Variants in DLX1 observed in about 807,000 individuals in gnomAD.
DLX1 encodes distal-less homeobox 1.
Under a neutral mutation model 25.0 loss-of-function variants are expected in DLX1, and 7 were observed. The observed-to-expected ratio is 0.28, with a 90% CI of 0.16 to 0.52. The LOEUF (loss-of-function observed/expected upper bound fraction) is 0.52. Among genes scored for constraint, DLX1 ranks in the 20% least tolerant of loss-of-function variants. DLX1 has a pLI of 0.96. For missense variants in DLX1, 233 were observed against 334.4 expected (o/e 0.70, Z 2.37); for synonymous variants, 155 against 140.3 (o/e 1.10, Z -0.74).
rs757622093 is a variant in DLX1, at chr2:172,085,793, A to G, written c.116A>G (p.His39Arg). The G allele has an allele frequency of 6.2e-7, 1 of 1,614,168 alleles. No individual in the cohort carries two copies. The highest frequency in any genetic ancestry group is 8.5e-7 in the Non-Finnish European group (1 of 1,180,030). Residue 39 changes from histidine to arginine, a missense_variant, in exon 1 of 3, where the codon CAC (histidine) becomes CGC (arginine). His to Arg is a conservative substitution (Grantham distance 29). Transcript: ENST00000361725. The surrounding 1 kb of genome is among the most constrained non-coding windows in gnomAD (Gnocchi z 4.3). ...TCTCCTTCTCCCATGTCCCACGGGC[A>G]CTACTCCATGCACTGTTTACACTCG... ...QMSPSPMSHG[H>R]YSMHCLHSAG... is the part of the protein sequence containing the mutation.
rs151222851 is a variant in DLX1 at position 172,085,842 on chromosome 2, C to T, written c.165C>T (p.Gly55=). ...CGGCGGGCCATTCGCAGCCCGACGGCGCCTACAGCTCAGCCTCGTCCTTCT... is the reference window on the plus strand; with the variant it reads ...CGGCGGGCCATTCGCAGCCCGACGGTGCCTACAGCTCAGCCTCGTCCTTCT... ...LHSAGHSQPD[G]AYSSASSFSR... Residue 55 remains glycine, a synonymous_variant, in exon 1 of 3, where the codon GGC becomes GGT. Transcript: ENST00000361725. The surrounding 1 kb of genome is among the most constrained non-coding windows in gnomAD (Gnocchi z 4.3). 3.1e-6 allele frequency: 5 copies of T among 1,614,100 alleles called. No homozygotes were observed. In the African/African-American group the frequency reaches 6.7e-5, roughly 22 times the overall value.
chr2:172,087,968 C>T (rs1690891734), intron 2 of DLX1, 35 bp from the exon 3 acceptor site: 2 of 1,506,666 alleles, frequency 1.3e-6, no homozygotes, highest in East Asian at 4.7e-5. Flanking sequence ...GCTCAGTGGT[C>T]CCAGCCTGAG....
rs1690929947 is a variant in DLX1 at position 172,089,358 on chromosome 2, T to G, written c.*1101T>G. ...AACGCACAATCTCCAGTGCAGGATC[T>G]AATGACTGTACATATTATTGTTATT... On this transcript the variant is annotated 3_prime_UTR_variant, in exon 3 of 3. Transcript: ENST00000361725. 1 of 152,634 alleles carries G rather than the reference T, an allele frequency of 6.6e-6. No homozygotes were observed. Among genetic ancestry groups the G allele is most frequent in the Non-Finnish European group, 1.5e-5 (1 of 68,050 alleles). 9.5% of individuals were successfully genotyped at this position (152,634 alleles called of 1,614,324 possible).
Position 172,085,923 on chromosome 2 carries a change from C to T in DLX1, c.246C>T (p.Pro82=). The change falls in exon 1 of 3, where the codon CCC becomes CCT. Residue 82 remains proline (P), a synonymous_variant. Transcript: ENST00000361725. This position sits in a 1 kb window ranked among gnomAD's most constrained non-coding sequence, Gnocchi z 4.3. ...VNSVSSHASS[P]YISSVQSYPG... ...CGGTCAGCAGCCACGCATCCAGCCC[C>T]TACATCAGTTCGGTGCAGTCCTACC... The T allele has an allele frequency of 1.2e-6, 2 of 1,614,216 alleles. No homozygotes were observed. Among genetic ancestry groups the T allele is most frequent in the Non-Finnish European group, 1.7e-6 (2 of 1,180,040 alleles).
intron 1 of DLX1, 73 bp downstream of exon 1, chr2:172,086,063 G>C: frequency 1.7e-6 from 2 of 1,155,418 alleles, no homozygotes; most frequent in Non-Finnish European, 2.3e-6. Context: ...CGGGGGAGAA[G>C]AGGAGAGGGA....
At position 172,085,978 on chromosome 2, in the gene DLX1, C is replaced by T. The variant is rs1446622958; in HGVS notation, c.301C>T (p.Leu101=). 2 of 1,612,630 alleles carry T rather than the reference C, an allele frequency of 1.2e-6. No individual in the cohort carries two copies. The highest frequency in any genetic ancestry group is 2.7e-5 in the African/African-American group (2 of 74,970). ...PGSASLAQSR[L]EDPGADSEKS... ...CAGCGCCAGCCTCGCCCAGAGCCGC[C>T]TGGAGGACCCAGGTACGTGCGCTTG... is the stretch of plus-strand genomic sequence containing the variant. The change falls in exon 1 of 3, where the codon CTG becomes TTG. Residue 101 remains leucine (L), a synonymous_variant. Transcript: ENST00000361725. This position sits in a 1 kb window ranked among gnomAD's most constrained non-coding sequence, Gnocchi z 4.3.
chr2:172,088,081 G>C lies in DLX1; in HGVS notation c.592G>C (p.Ala198Pro). Residue 198 changes from alanine to proline, a missense_variant, in exon 3 of 3, where the codon GCG becomes CCG. Ala to Pro is a conservative substitution (Grantham distance 27). This residue lies in a region of DLX1 where 84 missense variants were observed against 81.8 expected (regional missense o/e 1.03). Transcript: ENST00000361725. ...KQGGAALEGS[A>P]LANGRALSAG... ...GGGTGGGGCGGCTCTGGAGGGTAGT[G>C]CGTTGGCCAACGGTCGGGCCCTGTC... 6.3e-7 allele frequency: 1 copy of C among 1,590,884 alleles called. No homozygotes were observed. Among genetic ancestry groups the C allele is most frequent in the South Asian group, 1.1e-5 (1 of 88,148 alleles).
At position 172,088,389 on chromosome 2, in the gene DLX1, C is replaced by T. The variant is rs950692693; in HGVS notation, c.*132C>T. 1.6e-6 allele frequency: 2 copies of T among 1,217,976 alleles called. No homozygotes were observed. The highest frequency in any genetic ancestry group is 3.1e-5 in the African/African-American group (2 of 63,628). The allele number at this position is 1,217,976 out of a possible 1,614,324, so 75.4% of individuals were successfully genotyped here. A position where few individuals can be genotyped will look rare whatever the true frequency, so the allele number is the denominator to read the frequency against. On this transcript the variant is annotated 3_prime_UTR_variant, in exon 3 of 3. Coordinates refer to ENST00000361725, the MANE Select transcript of DLX1 (RefSeq NM_178120.5). ...GGAGGCGGGACGCCCTCCATCTCCT[C>T]GGAGCCCCGCGAGGTCCGGCCCAGC... is the stretch of plus-strand genomic sequence containing the variant.
chr2:172,087,609 A>T (rs568300697), intron 2 of DLX1: 6 of 477,600 alleles, frequency 1.3e-5, no homozygotes, highest in Non-Finnish European at 2.5e-5. Flanking sequence ...ACTCCTTCCT[A>T]GGTTTTCGAT....
rs1261401447 is a variant in DLX1, at chr2:172,089,487, A to T, written c.*1230A>T. On this transcript the variant is annotated 3_prime_UTR_variant, in exon 3 of 3. Coordinates refer to ENST00000361725, the MANE Select transcript of DLX1 (RefSeq NM_178120.5). ...AAAACCCCATGCTTTGTGAAATGAG[A>T]ATCTTGACATTTTTCTTGTGAAATT... is the stretch of plus-strand genomic sequence containing the variant. 6.6e-6 allele frequency: 1 copy of T among 152,604 alleles called. No individual in the cohort carries two copies. The highest frequency in any genetic ancestry group is 1.5e-5 in the Non-Finnish European group (1 of 68,032). 9.5% of individuals were successfully genotyped at this position (152,604 alleles called of 1,614,324 possible). A position where few individuals can be genotyped will look rare whatever the true frequency, so the allele number is the denominator to read the frequency against.
chr2:172,088,925 G>C lies in DLX1; in HGVS notation c.*668G>C, dbSNP rs953969295. On this transcript the variant is annotated 3_prime_UTR_variant, in exon 3 of 3. Coordinates refer to ENST00000361725, the MANE Select transcript of DLX1 (RefSeq NM_178120.5). Reference sequence around the variant, plus strand: ...GGCGCAAGGAACGCACTGTTCAAACGCACTGTTTACTTTAAGCGCACGGGG... The same window carrying C: ...GGCGCAAGGAACGCACTGTTCAAACCCACTGTTTACTTTAAGCGCACGGGG... 1 of 152,224 alleles carries C rather than the reference G, an allele frequency of 6.6e-6. No individual in the cohort carries two copies. The highest frequency in any genetic ancestry group is 1.5e-5 in the Non-Finnish European group (1 of 68,042). 9.4% of individuals were successfully genotyped at this position (152,224 alleles called of 1,614,324 possible). A position where few individuals can be genotyped will look rare whatever the true frequency, so the allele number is the denominator to read the frequency against.
chr2:172,088,610 G>A lies in DLX1; in HGVS notation c.*353G>A, dbSNP rs1345997604. On this transcript the variant is annotated 3_prime_UTR_variant, in exon 3 of 3. Coordinates refer to ENST00000361725, the MANE Select transcript of DLX1 (RefSeq NM_178120.5). ...AAAACAAAAACAAAATGTAGAAAAA[G>A]CAAAAGCTCTTTTCTGTCCTGTCAG... 4.4e-6 allele frequency: 1 copy of A among 226,160 alleles called. No individual in the cohort carries two copies. The highest frequency in any genetic ancestry group is 8.6e-6 in the Non-Finnish European group (1 of 116,216). The allele number at this position is 226,160 out of a possible 1,614,324, so 14.0% of individuals were successfully genotyped here. A position where few individuals can be genotyped will look rare whatever the true frequency, so the allele number is the denominator to read the frequency against.
chr2:172,087,042 C>G (rs761328744), intron 2 of DLX1, 189 bp downstream of exon 2: 2 of 735,614 alleles, frequency 2.7e-6, no homozygotes, highest in South Asian at 2.9e-5. Flanking sequence ...TGTCACTGCT[C>G]TCGGTATCCC....
Position 172,086,572 on chromosome 2 carries a change from C to G in DLX1, c.314-82C>G. Reference sequence around the variant, plus strand: ...CCCTGGTGCTGCCTCCGCCACCCTTCGGTAGCCACTCGCTCTCGGCTGTTC... The same window carrying G: ...CCCTGGTGCTGCCTCCGCCACCCTTGGGTAGCCACTCGCTCTCGGCTGTTC... On this transcript the variant is annotated intron_variant, in intron 1 of 2. Transcript: ENST00000361725. 4.4e-6 allele frequency: 6 copies of G among 1,355,202 alleles called. No individual in the cohort carries two copies. The South Asian group carries it at 7.2e-5, about 16-fold the overall frequency. The allele number at this position is 1,355,202 out of a possible 1,614,324, so 83.9% of individuals were successfully genotyped here.
chr2:172,088,567 G>A lies in DLX1; in HGVS notation c.*310G>A. The A allele has an allele frequency of 2.9e-6, 1 of 342,382 alleles. No homozygotes were observed. The highest frequency in any genetic ancestry group is 5.3e-6 in the Non-Finnish European group (1 of 189,822). The allele number at this position is 342,382 out of a possible 1,614,324, so 21.2% of individuals were successfully genotyped here. On this transcript the variant is annotated 3_prime_UTR_variant, in exon 3 of 3. Coordinates refer to ENST00000361725, the MANE Select transcript of DLX1 (RefSeq NM_178120.5). ...CGACCCGCCGACCTTCAGCTTTGTG[G>A]GACTATCAGGAAAAAACAAAACAAA... is the stretch of plus-strand genomic sequence containing the variant.
rs777348613 is a variant in DLX1 at position 172,088,243 on chromosome 2, C to T, written c.754C>T (p.Pro252Ser). Reference protein sequence around the residue: ...PSAHQEAMQQPQLM With the variant: ...PSAHQEAMQQSQLM Reference sequence around the variant, plus strand: ...AGCGCACCAAGAAGCTATGCAGCAACCCCAACTTATGTGAGGTTGCCCGCC... The same window carrying T: ...AGCGCACCAAGAAGCTATGCAGCAATCCCAACTTATGTGAGGTTGCCCGCC... Residue 252 changes from proline to serine, a missense_variant, in exon 3 of 3, where the codon CCC becomes TCC. Transcript: ENST00000361725. 4.0e-6 allele frequency: 6 copies of T among 1,509,276 alleles called. No individual in the cohort carries two copies. The highest frequency in any genetic ancestry group is 2.6e-5 in the South Asian group (2 of 78,112). The allele number at this position is 1,509,276 out of a possible 1,614,324, so 93.5% of individuals were successfully genotyped here. A position where few individuals can be genotyped will look rare whatever the true frequency, so the allele number is the denominator to read the frequency against.
chr2:172,086,527 G>C, intron 1 of DLX1, 127 bp from the exon 2 acceptor site: 1 of 948,908 alleles, frequency 1.1e-6, no homozygotes, highest in Non-Finnish European at 1.5e-6. Context: ...CTGGCTTTCA[G>C]AGTTTCTTGA....
At chr2:172,086,619 A>T (rs1344922042) in intron 1 of DLX1, 35 bp from the exon 2 acceptor site, 2 of 1,507,346 alleles carry the variant, frequency 1.3e-6, no homozygotes. Context: ...GGCCCCTCGT[A>T]TTAACAACGG....
rs1436854943 is a variant in DLX1, at chr2:172,088,506, G to A, written c.*249G>A. 7.4e-6 allele frequency: 3 copies of A among 407,568 alleles called. No individual in the cohort carries two copies. The highest frequency in any genetic ancestry group is 8.5e-6 in the Non-Finnish European group (2 of 236,374). The allele number at this position is 407,568 out of a possible 1,614,324, so 25.2% of individuals were successfully genotyped here. A position where few individuals can be genotyped will look rare whatever the true frequency, so the allele number is the denominator to read the frequency against. ...CCTCGGAGGGAAGCCACTGCCACCT[G>A]AGACAGCCCAAGCAGCAAGATAAAC... On this transcript the variant is annotated 3_prime_UTR_variant, in exon 3 of 3. Transcript: ENST00000361725.
Sources: allele counts gnomAD v4.1 joint callset, GRCh38; gene constraint gnomAD v4.1.1; regional missense constraint gnomAD v4.1.1; non-coding constraint Gnocchi (gnomAD v3.1); transcripts MANE v1.5; gene names NCBI Gene and HGNC (gene_info 2026-07-23, HGNC 2026-07-21).